PDE9A: variants seen among roughly 807,000 people sequenced by gnomAD.
PDE9A encodes phosphodiesterase 9A, also known as high affinity cGMP-specific 3',5'-cyclic phosphodiesterase 9A.
Under a neutral mutation model 87.4 loss-of-function variants are expected in PDE9A, and 60 were observed. That is an observed-to-expected ratio of 0.69 (90% CI 0.56 to 0.85). PDE9A has a LOEUF of 0.85. Among genes scored for constraint, PDE9A ranks in the 40% least tolerant of loss-of-function variants. PDE9A has a pLI of 0.00. For missense variants in PDE9A, 665 were observed against 779.0 expected, an observed-to-expected ratio of 0.85 and a Z score of 1.74; for synonymous variants, 272 against 279.4, an observed-to-expected ratio of 0.97 and a Z score of 0.27.
chr21:42,758,774 C>T (rs2055351518), intron 10 of PDE9A: 1 of 512,718 alleles, frequency 2.0e-6, no homozygotes, highest in Non-Finnish European at 3.5e-6. Flanking sequence ...CCAGTGTGCT[C>T]TCAAACCCCC....
At chr21:42,698,549 A>G (rs1232740870) in intron 3 of PDE9A, among the ~76,000 whole-genome samples, 1 of 152,174 alleles carries the variant, frequency 6.6e-6, no homozygotes, top group Non-Finnish European at 1.5e-5. Context: ...CGACTTCATC[A>G]CTGTCACCAT....
chr21:42,698,082 CTG>C (rs933020735), intron 3 of PDE9A, among the ~76,000 whole-genome samples: 2 of 152,224 alleles, frequency 1.3e-5, no homozygotes, highest in African/African-American at 4.8e-5. Context: ...GACTGTCTCC[CTG>C]TGTGCTTGTG....
At chr21:42,751,746 T>C (rs1408670703) in intron 9 of PDE9A, among the ~76,000 whole-genome samples, 1 of 99,766 alleles carries the variant, frequency 1.0e-5, no homozygotes. Flanking sequence ...CCCACCTGCT[T>C]TTTTTTTTTT....
intron 19 of PDE9A, among the ~76,000 whole-genome samples, chr21:42,774,855 C>T (rs1183706456): frequency 7.3e-6 from 1 of 136,432 alleles, no homozygotes; most frequent in Non-Finnish European, 1.6e-5. Context: ...GCACCCCAAC[C>T]TGGGCAACAG....
intron 4 of PDE9A, among the ~76,000 whole-genome samples, chr21:42,703,424 A>G (rs2048544443): frequency 6.6e-6 from 1 of 152,240 alleles, no homozygotes; most frequent in Non-Finnish European, 1.5e-5. Context: ...CATCGGGAGC[A>G]GAGGGGAAGC....
intron 3 of PDE9A, among the ~76,000 whole-genome samples, chr21:42,693,360 G>A (rs370676728): frequency 6.7e-6 from 1 of 149,940 alleles, no homozygotes; most frequent in East Asian, 2.0e-4. Flanking sequence ...GTGCAGTGGC[G>A]CGATCTCGGC....
At chr21:42,740,443 CAAAA>C (rs56151302) in intron 7 of PDE9A, among the ~76,000 whole-genome samples, 1 of 114,104 alleles carries the variant, frequency 8.8e-6, no homozygotes. Context: ...GCCCCTGTCT[CAAAA>C]AAAAAAAAAG....
At chr21:42,657,338 C>T (rs1305196482) in intron 1 of PDE9A, among the ~76,000 whole-genome samples, 1 of 152,210 alleles carries the variant, frequency 6.6e-6, no homozygotes, top group Non-Finnish European at 1.5e-5. Flanking sequence ...CACCCCCAAC[C>T]CCGTGTCTAG....
At chr21:42,688,152 CTCG>C (rs1463706836) in intron 3 of PDE9A, among the ~76,000 whole-genome samples, 158 bp downstream of exon 3, 2 of 152,196 alleles carry the variant, frequency 1.3e-5, no homozygotes, top group South Asian at 2.1e-4. Flanking sequence ...GGAAGCTTGA[CTCG>C]TCGTGTTCCC....
At chr21:42,680,882 C>T (rs1175368161) in intron 1 of PDE9A, among the ~76,000 whole-genome samples, 2 of 152,302 alleles carry the variant, frequency 1.3e-5, no homozygotes, top group South Asian at 2.1e-4. Flanking sequence ...CTGCAGATTG[C>T]GCACTCGAGT....
rs1569175996 is a variant in PDE9A, at chr21:42,704,931, T to C, written c.262+5920T>C. Among the ~76,000 whole-genome samples, 1 of 152,190 alleles carries C rather than the reference T, an allele frequency of 6.6e-6. No individual in the cohort carries two copies. The highest frequency in any genetic ancestry group is 1.5e-5 in the Non-Finnish European group (1 of 68,024). ...GTTTTGCTGTTTTGCTACTTAAATA[T>C]TCAGGAAATAGTAAAGAGAAGAGTA... On this transcript the variant is annotated intron_variant, in intron 4 of 19. Coordinates refer to ENST00000291539, the MANE Select transcript of PDE9A (RefSeq NM_002606.3). The surrounding 1 kb of genome is among the most constrained non-coding windows in gnomAD (Gnocchi z 5.3).
chr21:42,735,061 T>C (rs1402461897), intron 7 of PDE9A, among the ~76,000 whole-genome samples: 2 of 152,182 alleles, frequency 1.3e-5, no homozygotes, highest in Non-Finnish European at 2.9e-5. Flanking sequence ...AGTTTTTCCC[T>C]AAAGGATTTT....
rs1264932328 is a variant in PDE9A at position 42,704,294 on chromosome 21, T to C, written c.262+5283T>C. On this transcript the variant is annotated intron_variant, in intron 4 of 19. Coordinates refer to ENST00000291539, the MANE Select transcript of PDE9A (RefSeq NM_002606.3). The surrounding 1 kb of genome is among the most constrained non-coding windows in gnomAD (Gnocchi z 5.3). The stretch of plus-strand genomic sequence containing the variant: ...AGCGACAACCCCTCCCACATCTCCA[T>C]AGTCACATCCTGGCTGGGCTAACAC... Among the ~76,000 whole-genome samples, 1 of 152,068 alleles carries C rather than the reference T, an allele frequency of 6.6e-6. No homozygotes were observed. Among genetic ancestry groups the C allele is most frequent in the Non-Finnish European group, 1.5e-5 (1 of 68,000 alleles).
intron 4 of PDE9A, among the ~76,000 whole-genome samples, chr21:42,706,892 G>A (rs530708531): frequency 2.0e-5 from 3 of 152,132 alleles, no homozygotes; most frequent in South Asian, 2.1e-4. Context: ...CTTTGCACAC[G>A]GTGTTGCAGG....
chr21:42,746,167 C>T (rs891343130), intron 8 of PDE9A, among the ~76,000 whole-genome samples: 1 of 152,206 alleles, frequency 6.6e-6, no homozygotes, highest in Non-Finnish European at 1.5e-5. Flanking sequence ...GAAAGCAAGG[C>T]GAGTGCTCGG....
chr21:42,713,508 T>C (rs1017215589), intron 4 of PDE9A, among the ~76,000 whole-genome samples: 1 of 152,236 alleles, frequency 6.6e-6, no homozygotes, highest in African/African-American at 2.4e-5. Context: ...AAATGGGATA[T>C]TGATTTGTAA....
In PDE9A at chr21:42,696,064, A is replaced by G. The variant is rs1244527806; in HGVS notation, c.219-2904A>G. ...TGCTGATGTGATGGCTCCTGCCCTC[A>G]GCTTACCAGACTCCTCGGAGAGGCT... On this transcript the variant is annotated intron_variant, in intron 3 of 19. Coordinates refer to ENST00000291539, the MANE Select transcript of PDE9A (RefSeq NM_002606.3). This position sits in a 1 kb window ranked among gnomAD's most constrained non-coding sequence, Gnocchi z 5.1. 6.6e-6 allele frequency among the ~76,000 whole-genome samples: 1 copy of G among 152,178 alleles called. No individual in the cohort carries two copies. Among genetic ancestry groups the G allele is most frequent in the Non-Finnish European group, 1.5e-5 (1 of 68,034 alleles).
At chr21:42,703,684 G>A (rs1445083017) in intron 4 of PDE9A, among the ~76,000 whole-genome samples, 1 of 152,168 alleles carries the variant, frequency 6.6e-6, no homozygotes, top group Admixed American at 6.5e-5. Flanking sequence ...CCTAAGGCCG[G>A]AGCTGCTCCT....
intron 9 of PDE9A, among the ~76,000 whole-genome samples, chr21:42,753,119 A>C (rs2284969): frequency 6.6e-6 from 1 of 151,964 alleles, no homozygotes; most frequent in East Asian, 1.9e-4. Context: ...CAATTCTCCC[A>C]CCTCAGGCTC....
Sources: allele counts gnomAD v4.1 joint callset (sites outside exome capture counted in the v4.1 genomes callset), GRCh38; gene constraint gnomAD v4.1.1; non-coding constraint Gnocchi (gnomAD v3.1); transcripts MANE v1.5; gene names NCBI Gene and HGNC (gene_info 2026-07-23, HGNC 2026-07-21).